The following CCDC102B variants were observed in gnomAD, a reference collection of about 807,000 sequenced individuals.
The protein encoded by CCDC102B is coiled-coil domain containing 102B.
CCDC102B carries 75 observed loss-of-function variants against 57.4 expected under a neutral mutation model. The observed-to-expected ratio is 1.31, with a 90% CI of 1.08 to 1.58. The LOEUF (loss-of-function observed/expected upper bound fraction) is 1.58. Among genes scored for constraint, CCDC102B ranks in the 40% most tolerant of loss-of-function variants. The probability of loss-of-function intolerance (pLI) is 0.00; values close to 1 mark genes in which losing one functional copy is unlikely to be tolerated. For missense variants in CCDC102B, 636 were observed against 582.6 expected, an observed-to-expected ratio of 1.09 and a Z score of -0.94; for synonymous variants, 206 against 201.9, an observed-to-expected ratio of 1.02 and a Z score of -0.17.
intron 6 of CCDC102B, among the ~76,000 whole-genome samples, chr18:68,959,569 G>A (rs1216013261): frequency 6.6e-6 from 1 of 152,096 alleles, no homozygotes; most frequent in East Asian, 1.9e-4. Context: ...CTCTAGCCAG[G>A]CTTGTGTCCT....
At chr18:68,993,844 A>C (rs1435590206) in intron 6 of CCDC102B, among the ~76,000 whole-genome samples, 3 of 152,326 alleles carry the variant, frequency 2.0e-5, no homozygotes, top group Non-Finnish European at 4.4e-5. Context: ...GAACCACTTC[A>C]GGTATCACTA....
intron 2 of CCDC102B, among the ~76,000 whole-genome samples, chr18:68,783,326 T>G (rs1324948715): frequency 6.6e-6 from 1 of 152,192 alleles, no homozygotes; most frequent in African/African-American, 2.4e-5. Flanking sequence ...GTTGCAGTCT[T>G]GAAGTTTCCT....
At chr18:68,918,198 C>G (rs772302270) in intron 6 of CCDC102B, among the ~76,000 whole-genome samples, 12 of 152,160 alleles carry the variant, frequency 7.9e-5, no homozygotes, top group Non-Finnish European at 1.5e-4. Context: ...ATATAAATCT[C>G]AACTTTATCA....
intron 2 of CCDC102B, among the ~76,000 whole-genome samples, chr18:68,739,259 G>A (rs1394232098): frequency 6.6e-6 from 1 of 152,212 alleles, no homozygotes. Flanking sequence ...GCCTCCTAAA[G>A]TGCTGAGATT....
At chr18:68,761,775 G>A (rs2034261788) in intron 2 of CCDC102B, among the ~76,000 whole-genome samples, 1 of 151,956 alleles carries the variant, frequency 6.6e-6, no homozygotes, top group African/African-American at 2.4e-5. Flanking sequence ...GGTTAGTTGT[G>A]TATTTAATTT....
intron 3 of CCDC102B, chr18:68,839,130 T>G (rs2037514113): frequency 5.2e-6 from 3 of 573,756 alleles, no homozygotes; most frequent in South Asian, 4.2e-5. Context: ...TTCCATTCTT[T>G]TAAGTTGACT....
At chr18:68,966,887 G>A (rs1333309792) in intron 6 of CCDC102B, among the ~76,000 whole-genome samples, 1 of 152,076 alleles carries the variant, frequency 6.6e-6, no homozygotes, top group East Asian at 1.9e-4. Flanking sequence ...CAGCTGTGGT[G>A]GAATCTACCA....
intron 5 of CCDC102B, among the ~76,000 whole-genome samples, chr18:68,877,250 GA>G (rs1199430489): frequency 6.6e-6 from 1 of 152,198 alleles, no homozygotes; most frequent in Non-Finnish European, 1.5e-5. Flanking sequence ...ATGTGAGTGG[GA>G]AAAGAAGGGA....
intron 6 of CCDC102B, among the ~76,000 whole-genome samples, chr18:68,920,743 G>A (rs1358155334): frequency 6.6e-6 from 1 of 152,166 alleles, no homozygotes; most frequent in African/African-American, 2.4e-5. Flanking sequence ...CAGAGTAAAT[G>A]CTGAGTGAAG....
chr18:69,024,114 A>T (rs990607073), intron 7 of CCDC102B, among the ~76,000 whole-genome samples: 1 of 152,016 alleles, frequency 6.6e-6, no homozygotes, highest in East Asian at 1.9e-4. Flanking sequence ...TACGCTTTGG[A>T]GGTATTAAAG....
intron 6 of CCDC102B, among the ~76,000 whole-genome samples, chr18:68,925,230 A>G (rs749085355): frequency 3.9e-5 from 6 of 152,080 alleles, no homozygotes; most frequent in Non-Finnish European, 5.9e-5. Flanking sequence ...TCTCAAACCT[A>G]GCTTCATATT....
Position 68,739,419 on chromosome 18 carries a change from A to G in CCDC102B, c.-67+22825A>G, listed in dbSNP as rs528820651. Among the ~76,000 whole-genome samples, 5 of 152,280 alleles carry G rather than the reference A, an allele frequency of 3.3e-5. No homozygotes were observed. The East Asian group carries it at 7.7e-4, about 24-fold the overall frequency. On this transcript the variant is annotated intron_variant, in intron 2 of 3. Coordinates refer to the CCDC102B transcript ENST00000578970. ...ACTCACCCCATCCCCTGCTGCCATGATGCCATAGGCGTGAGCTTAGGACAG... is the reference window on the plus strand; with the variant it reads ...ACTCACCCCATCCCCTGCTGCCATGGTGCCATAGGCGTGAGCTTAGGACAG...
intron 2 of CCDC102B, among the ~76,000 whole-genome samples, chr18:68,737,310 T>G (rs2033178196): frequency 6.6e-6 from 1 of 152,060 alleles, no homozygotes; most frequent in African/African-American, 2.4e-5. Context: ...GATTACATTT[T>G]TTTTCTGAGA....
intron 1 of CCDC102B, among the ~76,000 whole-genome samples, chr18:68,824,410 A>G (rs765836353): frequency 5.9e-5 from 9 of 152,218 alleles, no homozygotes; most frequent in Non-Finnish European, 1.2e-4. Context: ...CCTTTTGGCA[A>G]AGTCTTTAGG....
chr18:68,798,935 G>T (rs184820428), intron 1 of CCDC102B, among the ~76,000 whole-genome samples: 29 of 152,052 alleles, frequency 1.9e-4, no homozygotes, highest in Admixed American at 1.6e-3. Context: ...ATATAAGAAA[G>T]ATTCGTCAAA....
At chr18:68,800,373 G>A (rs898659764) in intron 1 of CCDC102B, among the ~76,000 whole-genome samples, 1 of 152,074 alleles carries the variant, frequency 6.6e-6, no homozygotes, top group Non-Finnish European at 1.5e-5. Flanking sequence ...GATCCATTCC[G>A]ATATTCTATA....
intron 2 of CCDC102B, among the ~76,000 whole-genome samples, chr18:68,838,199 A>T (rs1269132933): frequency 6.6e-6 from 1 of 152,224 alleles, no homozygotes; most frequent in Admixed American, 6.5e-5. Context: ...GCGCCCCATT[A>T]AATTCTATTT....
At chr18:69,008,054 A>C (rs1431329030) in intron 6 of CCDC102B, among the ~76,000 whole-genome samples, 1 of 152,240 alleles carries the variant, frequency 6.6e-6, no homozygotes, top group Non-Finnish European at 1.5e-5. Context: ...GTAATTCCGG[A>C]GAGAAAGCCA....
intron 3 of CCDC102B, among the ~76,000 whole-genome samples, chr18:68,840,598 T>C (rs527483148): frequency 7.4e-4 from 112 of 152,312 alleles, no homozygotes; most frequent in South Asian, 4.1e-3. Context: ...CTCGTACACA[T>C]AGTGACAATT....
Sources: allele counts gnomAD v4.1 joint callset (sites outside exome capture counted in the v4.1 genomes callset), GRCh38; gene constraint gnomAD v4.1.1; transcripts MANE v1.5; gene names NCBI Gene and HGNC (gene_info 2026-07-23, HGNC 2026-07-21).